SHPRH: variants seen among roughly 807,000 people sequenced by gnomAD.
SHPRH encodes the protein E3 ubiquitin-protein ligase SHPRH.
In SHPRH, 106 loss-of-function variants were observed where a neutral mutation model predicts 202.5. The ratio of observed to expected loss-of-function variants is 0.52; its 90% confidence interval spans 0.45 to 0.62. The LOEUF (loss-of-function observed/expected upper bound fraction) is 0.62. Ranked by LOEUF, SHPRH falls within the 20% of genes least tolerant of loss-of-function variation. The pLI is 0.00. For synonymous variants in SHPRH, 729 were observed against 686.0 expected, an observed-to-expected ratio of 1.06 and a Z score of -0.98; for missense variants, 1,710 against 2,020.0, an observed-to-expected ratio of 0.85 and a Z score of 2.94.
chr6:145,867,631 T>TAGAGAGAGAGAGAGAGAGAG (rs748613165), intron 2 of SHPRH, among the ~76,000 whole-genome samples: 2 of 22,318 alleles, frequency 9.0e-5, no homozygotes, highest in Non-Finnish European at 1.5e-4. Context: ...TATATATATA[T>TAGAGAGAGAGAGAGAGAGAG]AGAGAGAGAG....
intron 2 of SHPRH, among the ~76,000 whole-genome samples, chr6:145,866,848 T>C (rs1779801967): frequency 6.6e-6 from 1 of 152,194 alleles, no homozygotes. Context: ...AACATTAGCT[T>C]GTCTAGTACA....
rs1259075541 is a variant in SHPRH at position 145,919,352 on chromosome 6, TG to T, written c.4147del (p.His1383MetfsTer3). On this transcript the variant is annotated frameshift_variant, in exon 22 of 30. Transcript: ENST00000275233. LOFTEE classifies it high-confidence loss of function. ...NPPVLHIIEP[H>X]EVEQNRIKLL... ...TGTGATTTACTTGCCAATTACCTCATGTGGTTCAATGATATGAAGAACAGGC... is the reference window on the plus strand; with the variant it reads ...TGTGATTTACTTGCCAATTACCTCATTGGTTCAATGATATGAAGAACAGGC... The T allele has an allele frequency of 6.2e-7, 1 of 1,612,816 alleles. No homozygotes were observed. Among genetic ancestry groups the T allele is most frequent in the Admixed American group, 1.7e-5 (1 of 59,916 alleles).
At chr6:145,949,104 CA>C (rs1279629728) in intron 4 of SHPRH, among the ~76,000 whole-genome samples, 2 of 151,982 alleles carry the variant, frequency 1.3e-5, no homozygotes, top group African/African-American at 4.8e-5. Context: ...AATGCTTTTA[CA>C]CGGCTGATGG....
At chr6:145,912,423 T>C (rs1195934430) in intron 24 of SHPRH, among the ~76,000 whole-genome samples, 2 of 152,144 alleles carry the variant, frequency 1.3e-5, no homozygotes, top group East Asian at 1.9e-4. Context: ...CTTTAAAAAC[T>C]GAAAATGTTT....
intron 16 of SHPRH, among the ~76,000 whole-genome samples, chr6:145,925,432 A>G (rs992833301): frequency 6.6e-6 from 1 of 151,704 alleles, no homozygotes; most frequent in East Asian, 1.9e-4. Flanking sequence ...TAGTGTCTAC[A>G]TACATCAAAA....
intron 2 of SHPRH, among the ~76,000 whole-genome samples, chr6:145,870,244 T>G (rs1227512214): frequency 6.6e-6 from 1 of 150,944 alleles, no homozygotes; most frequent in Non-Finnish European, 1.5e-5. Flanking sequence ...AGGGTTTTTT[T>G]GTCAATCGTT....
intron 13 of SHPRH, 47 bp downstream of exon 13, chr6:145,934,860 C>A: frequency 6.5e-7 from 1 of 1,540,844 alleles, no homozygotes; most frequent in South Asian, 1.3e-5. Flanking sequence ...GAAATATTGT[C>A]TATTATGATA....
chr6:145,886,645 A>C lies in SHPRH; in HGVS notation c.*46T>G, dbSNP rs538889538. The C allele has an allele frequency of 2.5e-5, 40 of 1,600,964 alleles. No homozygotes were observed. The South Asian group carries it at 3.9e-4, about 16-fold the overall frequency. ...CTTGTAACTTTGCTCTACAGCTATG[A>C]AAGTTTATTAATACACTAAAGTCCA... On this transcript the variant is annotated 3_prime_UTR_variant, in exon 30 of 30. Transcript: ENST00000275233.
intron 14 of SHPRH, among the ~76,000 whole-genome samples, chr6:145,929,506 A>T (rs532558581): frequency 2.2e-4 from 33 of 152,202 alleles, no homozygotes; most frequent in African/African-American, 7.7e-4. Flanking sequence ...AGAAGAATCT[A>T]ATTTATGTAA....
chr6:145,887,072 T>C (rs531279784), intron 29 of SHPRH, among the ~76,000 whole-genome samples: 6 of 152,322 alleles, frequency 3.9e-5, no homozygotes, highest in African/African-American at 1.2e-4. Flanking sequence ...ACCTTACAAA[T>C]TACCTTCTTA....
At chr6:145,884,236 A>G (rs1271600018), downstream of SHPRH, 2 of 152,212 alleles carry the variant, frequency 1.3e-5, no homozygotes, top group Non-Finnish European at 2.9e-5. Context: ...AAAGATAACA[A>G]TTCCTAAAAC....
chr6:145,889,964 G>A (rs544067829), intron 28 of SHPRH, among the ~76,000 whole-genome samples: 12 of 152,260 alleles, frequency 7.9e-5, no homozygotes, highest in African/African-American at 2.9e-4. Flanking sequence ...CCACTTCAGT[G>A]TTTGATCCCA....
intron 25 of SHPRH, among the ~76,000 whole-genome samples, chr6:145,899,454 T>C (rs1367752051): frequency 6.6e-6 from 1 of 152,034 alleles, no homozygotes; most frequent in South Asian, 2.1e-4. Context: ...AACAGTCTCT[T>C]CAATAAACTG....
At chr6:145,934,345 A>C (rs1785810243) in intron 13 of SHPRH, among the ~76,000 whole-genome samples, 1 of 151,944 alleles carries the variant, frequency 6.6e-6, no homozygotes, top group Non-Finnish European at 1.5e-5. Flanking sequence ...ACATGTCTGT[A>C]ATCCCAGGTA....
chr6:145,883,815 C>A (rs1195105949), downstream of SHPRH: 1 of 150,912 alleles, frequency 6.6e-6, no homozygotes, highest in Non-Finnish European at 1.5e-5. Flanking sequence ...TTTTTTTTTA[C>A]ATTCCATTTT....
chr6:145,950,552 A>G (rs771060962), intron 3 of SHPRH, 70 bp from the exon 4 acceptor site: 3 of 1,448,622 alleles, frequency 2.1e-6, no homozygotes, highest in Non-Finnish European at 2.9e-6. Flanking sequence ...TTCTTATTCT[A>G]AGAGCATACA....
At chr6:145,883,182 GTTT>G (rs902147413), downstream of SHPRH, 2 of 152,174 alleles carry the variant, frequency 1.3e-5, no homozygotes, top group African/African-American at 2.4e-5. Context: ...AATGGAGGCT[GTTT>G]TTTAATTTCT....
At chr6:145,907,623 CCTTGT>C (rs978692192) in intron 25 of SHPRH, 24 of 152,250 alleles carry the variant, frequency 1.6e-4, no homozygotes, top group East Asian at 5.8e-4. Context: ...CCATTTGAGT[CCTTGT>C]CTTAGGCTTT....
At chr6:145,933,943 A>C (rs4360151) in intron 13 of SHPRH, among the ~76,000 whole-genome samples, 83,439 of 151,940 alleles carry the variant, frequency 0.55, 23,383 homozygotes, top group Admixed American at 0.67. Context: ...GGGAACTATG[A>C]AATAAAATAA....
Sources: gnomAD v4.1 joint callset for allele counts (sites outside exome capture counted in the v4.1 genomes callset) on GRCh38, gnomAD v4.1.1 for gene constraint, MANE v1.5 for transcripts, NCBI Gene and HGNC (gene_info 2026-07-23, HGNC 2026-07-21) for gene names.